Variants in IL34 observed in about 807,000 individuals in gnomAD.
The protein encoded by IL34 is interleukin 34.
A neutral mutation model predicts 25.3 loss-of-function variants in IL34; 17 were observed. The observed-to-expected ratio is 0.67, with a 90% CI of 0.46 to 1.01. The LOEUF is 1.01. IL34 is among the 50% of genes least tolerant of loss of function. The probability of loss-of-function intolerance (pLI) is 0.00; values close to 1 mark genes in which losing one functional copy is unlikely to be tolerated. For synonymous variants in IL34, 174 were observed against 140.9 expected, an observed-to-expected ratio of 1.23 and a Z score of -1.66; for missense variants, 368 against 312.9, an observed-to-expected ratio of 1.18 and a Z score of -1.33.
rs1047582075 is a variant in IL34, at chr16:70,659,475, A to G, written c.403-143A>G. 5.7e-6 allele frequency: 6 copies of G among 1,056,418 alleles called. No homozygotes were observed. The African/African-American group carries it at 9.6e-5, about 17-fold the overall frequency. The allele number at this position is 1,056,418 out of a possible 1,614,324, so 65.4% of individuals were successfully genotyped here. A position where few individuals can be genotyped will look rare whatever the true frequency, so the allele number is the denominator to read the frequency against. On this transcript the variant is annotated intron_variant, in intron 4 of 5. Transcript: ENST00000288098. ...TGCCCACAGGAAGAAGATGGTGAGA[A>G]ATAGCTATCCAGGCTCATGGTCACA...
intron 1 of IL34, among the ~76,000 whole-genome samples, chr16:70,651,648 C>A (rs2052081487): frequency 6.6e-6 from 1 of 151,786 alleles, no homozygotes; most frequent in African/African-American, 2.4e-5. Flanking sequence ...ACCAGAGGGG[C>A]TGCAAGGACA....
intron 1 of IL34, among the ~76,000 whole-genome samples, chr16:70,621,329 A>C (rs1177367955): frequency 6.6e-6 from 1 of 152,162 alleles, no homozygotes; most frequent in East Asian, 1.9e-4. Flanking sequence ...TCCACGGATA[A>C]AACATGTCTC....
At chr16:70,608,138 T>C (rs942706749) in intron 1 of IL34, among the ~76,000 whole-genome samples, 58 of 148,752 alleles carry the variant, frequency 3.9e-4, no homozygotes, top group African/African-American at 1.4e-3. Context: ...TTTTTTTTTT[T>C]TTTTTTTTGA....
chr16:70,644,541 A>G (rs917534868), upstream of IL34, among the ~76,000 whole-genome samples: 1 of 152,138 alleles, frequency 6.6e-6, no homozygotes, highest in African/African-American at 2.4e-5. Context: ...ATGTGCTAAA[A>G]ACTTTTAGAA....
intron 1 of IL34, among the ~76,000 whole-genome samples, chr16:70,617,833 A>T (rs1291167823): frequency 4.0e-5 from 6 of 151,448 alleles, no homozygotes; most frequent in South Asian, 2.1e-4. Flanking sequence ...TAGAGGTGGG[A>T]AGGCTAAACT....
At chr16:70,621,123 A>T (rs1352778121) in intron 1 of IL34, among the ~76,000 whole-genome samples, 3 of 152,114 alleles carry the variant, frequency 2.0e-5, no homozygotes, top group East Asian at 3.9e-4. Context: ...AGGGTGAAGG[A>T]GAAGGGGTTG....
At chr16:70,627,783 C>G (rs1398167248) in intron 1 of IL34, among the ~76,000 whole-genome samples, 1 of 152,106 alleles carries the variant, frequency 6.6e-6, no homozygotes, top group African/African-American at 2.4e-5. Flanking sequence ...TTTCTTGTCA[C>G]AGATTGGTTT....
intron 1 of IL34, among the ~76,000 whole-genome samples, chr16:70,634,601 AC>A (rs1384050037): frequency 6.6e-6 from 1 of 151,422 alleles, no homozygotes; most frequent in Non-Finnish European, 1.5e-5. Context: ...AATTCCTTGA[AC>A]CCAGGAGGCG....
At chr16:70,611,776 A>G (rs1316010801) in intron 1 of IL34, among the ~76,000 whole-genome samples, 4 of 151,718 alleles carry the variant, frequency 2.6e-5, no homozygotes, top group Admixed American at 2.6e-4. Context: ...CCCAAGAGGC[A>G]GAGGTTGCAG....
chr16:70,642,898 T>C (rs2051819792), upstream of IL34, among the ~76,000 whole-genome samples: 2 of 152,056 alleles, frequency 1.3e-5, no homozygotes, highest in African/African-American at 2.4e-5. Context: ...AGAATATTAG[T>C]GGCTGCCAGG....
chr16:70,584,224 A>T (rs1303188888), intron 1 of IL34, among the ~76,000 whole-genome samples: 1 of 152,092 alleles, frequency 6.6e-6, no homozygotes, highest in Non-Finnish European at 1.5e-5. Flanking sequence ...CTTGCGTGTG[A>T]GGGCCACGTC....
chr16:70,609,837 A>G (rs1294060739), intron 1 of IL34, among the ~76,000 whole-genome samples: 3 of 152,156 alleles, frequency 2.0e-5, no homozygotes, highest in Admixed American at 1.3e-4. Context: ...GTGGGGAGAG[A>G]GAAACTCAGA....
At chr16:70,582,351 A>G (rs545095516) in intron 1 of IL34, among the ~76,000 whole-genome samples, 7 of 152,300 alleles carry the variant, frequency 4.6e-5, no homozygotes, top group South Asian at 2.1e-4. Flanking sequence ...GACAGACTGG[A>G]GAGTTTCTGG....
chr16:70,586,891 C>T (rs1028217148), intron 1 of IL34, among the ~76,000 whole-genome samples: 3 of 152,236 alleles, frequency 2.0e-5, no homozygotes, highest in African/African-American at 7.2e-5. Context: ...CCCTGATTCA[C>T]CTGTGGCGGC....
chr16:70,581,457 T>G (rs1001957158), intron 1 of IL34, among the ~76,000 whole-genome samples: 1 of 151,434 alleles, frequency 6.6e-6, no homozygotes, highest in Admixed American at 6.6e-5. Flanking sequence ...TTCCTTGGAG[T>G]GTATTCTGCA....
Position 70,659,704 on chromosome 16 carries a change from C to T in IL34, c.489C>T (p.Ala163=). ...GPNLKLVRPK[A]LLDNCFRVME... is the part of the protein sequence containing the mutation. ...ACCTGAAGCTGGTGCGGCCCAAAGC[C>T]CTGCTGGACAACTGCTTCCGGGTCA... Residue 163 remains alanine, a synonymous_variant, in exon 5 of 6, where the codon GCC becomes GCT. Coordinates refer to ENST00000288098, the MANE Select transcript of IL34 (RefSeq NM_001393494.1). 6.2e-7 allele frequency: 1 copy of T among 1,611,500 alleles called. No individual in the cohort carries two copies. The highest frequency in any genetic ancestry group is 2.2e-5 in the East Asian group (1 of 44,818).
At chr16:70,624,284 T>C (rs12596022) in intron 1 of IL34, among the ~76,000 whole-genome samples, 58,974 of 150,158 alleles carry the variant, frequency 0.39, 12,465 homozygotes, top group South Asian at 0.62. Flanking sequence ...AATACCTGGC[T>C]GCTGTGGTTC....
intron 1 of IL34, among the ~76,000 whole-genome samples, chr16:70,637,861 A>G (rs181684917): frequency 4.6e-4 from 70 of 152,316 alleles, no homozygotes; most frequent in Admixed American, 2.9e-3. Context: ...ATTTAAAGCA[A>G]TCGGCACATG....
chr16:70,613,558 C>T (rs2051124516), intron 1 of IL34, among the ~76,000 whole-genome samples: 1 of 152,142 alleles, frequency 6.6e-6, no homozygotes, highest in Admixed American at 6.5e-5. Flanking sequence ...GTGGTATCTG[C>T]AGCACCTGGG....
Sources: allele counts gnomAD v4.1 joint callset (sites outside exome capture counted in the v4.1 genomes callset), GRCh38; gene constraint gnomAD v4.1.1; transcripts MANE v1.5; gene names NCBI Gene and HGNC (gene_info 2026-07-23, HGNC 2026-07-21).